KCNT1: variants seen among roughly 807,000 people sequenced by gnomAD.
The protein encoded by KCNT1 is potassium channel subfamily T member 1.
KCNT1 carries 78 observed loss-of-function variants against 147.8 expected under a neutral mutation model. That is an observed-to-expected ratio of 0.53 (90% CI 0.44 to 0.64). KCNT1 has a LOEUF of 0.64. Ranked by LOEUF, KCNT1 falls within the 30% of genes least tolerant of loss-of-function variation. The pLI is 0.00. For missense variants in KCNT1, 1,419 were observed against 1,750.3 expected (o/e 0.81, Z 3.38); for synonymous variants, 867 against 748.8 (o/e 1.16, Z -2.58).
chr9:135,750,908 G>T (rs761022035), intron 3 of KCNT1, 34 bp from the exon 4 acceptor site: 1 of 1,598,908 alleles, frequency 6.3e-7, no homozygotes, highest in Non-Finnish European at 8.6e-7. Flanking sequence ...CCCAGAGCTG[G>T]GTCAGAGCCC....
At chr9:135,761,590 G>A (rs1831913923) in intron 11 of KCNT1, among the ~76,000 whole-genome samples, 2 of 152,218 alleles carry the variant, frequency 1.3e-5, no homozygotes. Context: ...AGGGGGACCT[G>A]CTTTCAGGGC....
chr9:135,739,627 G>GC (rs919878939), intron 2 of KCNT1, among the ~76,000 whole-genome samples: 1 of 152,112 alleles, frequency 6.6e-6, no homozygotes, highest in African/African-American at 2.4e-5. Flanking sequence ...TGGGCCTGAA[G>GC]CCCCCCTTGG....
At chr9:135,760,865 G>A (rs1442086916) in intron 11 of KCNT1, among the ~76,000 whole-genome samples, 2 of 152,226 alleles carry the variant, frequency 1.3e-5, no homozygotes, top group Admixed American at 6.5e-5. Context: ...TCCCGCTCCT[G>A]TGAGCTGCCC....
Position 135,771,040 on chromosome 9 carries a change from G to C in KCNT1, c.1953G>C (p.Gln651His). The C allele has an allele frequency of 6.2e-7, 1 of 1,613,030 alleles. No individual in the cohort carries two copies. The highest frequency in any genetic ancestry group is 8.5e-7 in the Non-Finnish European group (1 of 1,179,632). The change falls in exon 18 of 31, where the codon CAG becomes CAC. Residue 651 changes from glutamine to histidine, a missense_variant. Physicochemically the swap from Gln to His is conservative, Grantham distance 24. This residue lies in a region of KCNT1 where 284 missense variants were observed against 292.8 expected (regional missense o/e 0.97). Coordinates refer to ENST00000371757, the MANE Select transcript of KCNT1 (RefSeq NM_020822.3). ...GGAAGAAGAGGGCCTTCTCGGGGCAGGGGCTGCACGAGGGTCCGGCCCGCC... is the reference window on the plus strand; with the variant it reads ...GGAAGAAGAGGGCCTTCTCGGGGCACGGGCTGCACGAGGGTCCGGCCCGCC... ...EKRKKRAFSG[Q>H]GLHEGPARLP...
intron 5 of KCNT1, 127 bp from the exon 6 acceptor site, chr9:135,754,994 T>C: frequency 1.3e-6 from 1 of 780,154 alleles, no homozygotes; most frequent in South Asian, 2.2e-5. Context: ...GCTCCTTTGG[T>C]CCAGCCCCAA....
chr9:135,791,961 C>G, intron 30 of KCNT1, 80 bp downstream of exon 30: 1 of 1,609,898 alleles, frequency 6.2e-7, no homozygotes, highest in Non-Finnish European at 8.5e-7. Context: ...ACAGGCACCA[C>G]AGTGGGGCCG....
intron 2 of KCNT1, among the ~76,000 whole-genome samples, chr9:135,739,051 C>T (rs1339499226): frequency 1.3e-5 from 2 of 152,070 alleles, no homozygotes; most frequent in African/African-American, 4.8e-5. Context: ...CAGCTGGGGT[C>T]TCCCAGCCTC....
intron 2 of KCNT1, among the ~76,000 whole-genome samples, chr9:135,745,650 C>G (rs1830790985): frequency 6.6e-6 from 1 of 152,250 alleles, no homozygotes; most frequent in Non-Finnish European, 1.5e-5. Flanking sequence ...TCAGCACAGA[C>G]AGAGCTCCTC....
chr9:135,776,444 T>TA (rs1008076098), intron 20 of KCNT1, among the ~76,000 whole-genome samples: 1 of 151,970 alleles, frequency 6.6e-6, no homozygotes, highest in African/African-American at 2.4e-5. Context: ...TTTATTTATT[T>TA]TTTGTAGTGA....
At position 135,786,345 on chromosome 9, in the gene KCNT1, G is replaced by GCACCCA; in HGVS notation, c.3327_3328insACCCAC (p.Ser1109_Leu1110insThrHis). 1 of 1,589,106 alleles carries GCACCCA rather than the reference G, an allele frequency of 6.3e-7. No homozygotes were observed. The highest frequency in any genetic ancestry group is 8.6e-7 in the Non-Finnish European group (1 of 1,169,076). The stretch of plus-strand genomic sequence containing the variant: ...GAGCACCCACTGCTACGGCGCAAGA[G>GCACCCA]CCTGCAGTGGGCCCGGAGGCTGAGC... On this transcript the variant is annotated inframe_insertion, in exon 29 of 31. Transcript: ENST00000371757.
chr9:135,780,358 A>G (rs557812223), intron 24 of KCNT1, among the ~76,000 whole-genome samples: 50 of 152,302 alleles, frequency 3.3e-4, no homozygotes, highest in African/African-American at 1.1e-3. Context: ...GACACCGTGG[A>G]GGATCTACTG....
intron 11 of KCNT1, among the ~76,000 whole-genome samples, chr9:135,762,454 A>C (rs1831980651): frequency 1.3e-5 from 2 of 152,186 alleles, no homozygotes; most frequent in South Asian, 4.2e-4. Flanking sequence ...TTCAAAAAGA[A>C]AAAGAAAAAA....
intron 2 of KCNT1, among the ~76,000 whole-genome samples, chr9:135,733,110 C>T (rs549670958): frequency 6.6e-5 from 10 of 152,058 alleles, no homozygotes; most frequent in South Asian, 2.1e-4. Flanking sequence ...CTCTCCTTGT[C>T]GGCTCTGAGT....
Position 135,781,682 on chromosome 9 carries a change from C to T in KCNT1, c.2841+2212C>T, listed in dbSNP as rs1833620532. ...GAAGAAAAGTTACCCCAAATCCCTGCAGCCAACATCTTCTACATCCAGGCC... is the reference window on the plus strand; with the variant it reads ...GAAGAAAAGTTACCCCAAATCCCTGTAGCCAACATCTTCTACATCCAGGCC... On this transcript the variant is annotated intron_variant, in intron 24 of 30. Transcript: ENST00000371757. Among the ~76,000 whole-genome samples the T allele has an allele frequency of 4.0e-5, 6 of 151,614 alleles. No individual in the cohort carries two copies. The South Asian group carries it at 8.4e-4, about 21-fold the overall frequency.
At chr9:135,756,961 CA>C (rs1831521223) in intron 7 of KCNT1, 29 bp downstream of exon 7, 3 of 1,592,254 alleles carry the variant, frequency 1.9e-6, no homozygotes, top group African/African-American at 2.7e-5. Context: ...TGGCACCTCA[CA>C]GGGGGTCCCC....
At chr9:135,728,900 C>A (rs75842042) in intron 2 of KCNT1, among the ~76,000 whole-genome samples, 1,602 of 152,326 alleles carry the variant, frequency 0.011, 13 homozygotes, top group Non-Finnish European at 0.018. Flanking sequence ...GACATCACAC[C>A]ACGATTGTCA....
chr9:135,770,496 T>C, intron 17 of KCNT1, 49 bp downstream of exon 17: 1 of 1,559,844 alleles, frequency 6.4e-7, no homozygotes, highest in Non-Finnish European at 8.7e-7. Flanking sequence ...GCTGCTCTGC[T>C]CTGTGCCCTC....
At chr9:135,732,534 C>T (rs1273819050) in intron 2 of KCNT1, among the ~76,000 whole-genome samples, 4 of 152,066 alleles carry the variant, frequency 2.6e-5, no homozygotes, top group African/African-American at 9.7e-5. Flanking sequence ...AACTGTATGG[C>T]GTGTGGGCTC....
intron 2 of KCNT1, among the ~76,000 whole-genome samples, chr9:135,740,848 G>T (rs546947716): frequency 1.1e-4 from 17 of 152,078 alleles, no homozygotes; most frequent in African/African-American, 4.1e-4. Context: ...GGGTCCTCCT[G>T]GACCACCGTG....
Sources: gnomAD v4.1 joint callset for allele counts (sites outside exome capture counted in the v4.1 genomes callset) on GRCh38, gnomAD v4.1.1 for gene constraint, gnomAD v4.1.1 regional missense constraint, MANE v1.5 for transcripts, NCBI Gene and HGNC (gene_info 2026-07-23, HGNC 2026-07-21) for gene names.